Variants in TRDN observed in about 807,000 individuals in gnomAD.
TRDN encodes the protein triadin in skeletal muscle.
A neutral mutation model predicts 149.7 loss-of-function variants in TRDN; 161 were observed. That is an observed-to-expected ratio of 1.08 (90% confidence interval 0.95 to 1.23). The LOEUF (loss-of-function observed/expected upper bound fraction) is 1.23. TRDN is among the 50% of genes most tolerant of loss of function. The pLI is 0.00. For missense variants in TRDN, 896 were observed against 823.5 expected, an observed-to-expected ratio of 1.09 and a Z score of -1.08; for synonymous variants, 294 against 250.5, an observed-to-expected ratio of 1.17 and a Z score of -1.64.
At chr6:123,359,998 A>G (rs1183627623) in intron 20 of TRDN, among the ~76,000 whole-genome samples, 1 of 152,048 alleles carries the variant, frequency 6.6e-6, no homozygotes, top group Admixed American at 6.6e-5. Context: ...CCTGGCCGTG[A>G]AGGGGAATTT....
At chr6:123,586,589 G>A (rs939741514) in intron 1 of TRDN, among the ~76,000 whole-genome samples, 14 of 152,260 alleles carry the variant, frequency 9.2e-5, no homozygotes, top group Middle Eastern at 3.4e-3. Context: ...TGAAAGTGCC[G>A]TTTTCTGGCT....
intron 12 of TRDN, among the ~76,000 whole-genome samples, chr6:123,414,895 A>C (rs1467826850): frequency 6.6e-6 from 1 of 152,146 alleles, no homozygotes; most frequent in Non-Finnish European, 1.5e-5. Flanking sequence ...ACTTACATCT[A>C]TATACAGAAA....
intron 20 of TRDN, among the ~76,000 whole-genome samples, chr6:123,365,837 T>C (rs1562279908): frequency 6.6e-6 from 1 of 152,208 alleles, no homozygotes; most frequent in Admixed American, 6.5e-5. Context: ...TGCACTAGAA[T>C]GCTCTCCAGA....
chr6:123,254,408 C>T (rs1039998443), intron 37 of TRDN, among the ~76,000 whole-genome samples: 1 of 151,912 alleles, frequency 6.6e-6, no homozygotes, highest in Non-Finnish European at 1.5e-5. Flanking sequence ...CTTTTTCTCT[C>T]CCTACTAGAG....
At chr6:123,387,639 TCA>T in intron 14 of TRDN, among the ~76,000 whole-genome samples, 1 of 152,252 alleles carries the variant, frequency 6.6e-6, no homozygotes, top group Non-Finnish European at 1.5e-5. Flanking sequence ...TGAAAAGATC[TCA>T]GAGACCCACA....
intron 38 of TRDN, among the ~76,000 whole-genome samples, chr6:123,242,666 C>G (rs1776033839): frequency 6.6e-6 from 1 of 151,926 alleles, no homozygotes; most frequent in Admixed American, 6.6e-5. Context: ...ATAGGAAGCA[C>G]CAAAAGCAAA....
chr6:123,408,524 A>T (rs1773288187), intron 12 of TRDN, among the ~76,000 whole-genome samples: 1 of 151,950 alleles, frequency 6.6e-6, no homozygotes, highest in Non-Finnish European at 1.5e-5. Flanking sequence ...CTAAAAATAC[A>T]AAAATTAGCT....
At chr6:123,444,487 C>T (rs1250552752) in intron 10 of TRDN, among the ~76,000 whole-genome samples, 2 of 150,712 alleles carry the variant, frequency 1.3e-5, no homozygotes, top group Non-Finnish European at 1.5e-5. Flanking sequence ...TTGACTTCCT[C>T]TTTTCCTAAT....
intron 9 of TRDN, among the ~76,000 whole-genome samples, chr6:123,493,571 G>A (rs1001045234): frequency 6.6e-6 from 1 of 152,100 alleles, no homozygotes; most frequent in Non-Finnish European, 1.5e-5. Flanking sequence ...GGGTGTGACA[G>A]TACAAAGGAA....
chr6:123,290,237 T>A (rs536149230), intron 24 of TRDN, among the ~76,000 whole-genome samples: 1 of 152,202 alleles, frequency 6.6e-6, no homozygotes, highest in East Asian at 1.9e-4. Flanking sequence ...GCAAACAAAA[T>A]TTAGTCAGGC....
At chr6:123,248,844 G>A (rs547356940) in intron 38 of TRDN, among the ~76,000 whole-genome samples, 6 of 151,998 alleles carry the variant, frequency 3.9e-5, no homozygotes, top group African/African-American at 1.2e-4. Flanking sequence ...TTAATGAGGT[G>A]AGAACCCTCC....
At chr6:123,282,842 G>A (rs1459066710) in intron 24 of TRDN, among the ~76,000 whole-genome samples, 1 of 151,844 alleles carries the variant, frequency 6.6e-6, no homozygotes, top group Non-Finnish European at 1.5e-5. Context: ...AAATTTGTAA[G>A]TGTAATATTA....
At chr6:123,423,237 A>T (rs1302869206) in intron 12 of TRDN, among the ~76,000 whole-genome samples, 1 of 152,176 alleles carries the variant, frequency 6.6e-6, no homozygotes, top group Non-Finnish European at 1.5e-5. Context: ...TTTTATTCAT[A>T]AGATAAAACC....
intron 2 of TRDN, among the ~76,000 whole-genome samples, chr6:123,566,104 A>G (rs866904692): frequency 3.6e-4 from 55 of 152,374 alleles, no homozygotes; most frequent in African/African-American, 1.3e-3. Context: ...ACATTGACAG[A>G]TAGGCATAGT....
At chr6:123,501,816 A>G (rs1778711711) in intron 8 of TRDN, 1 of 866,156 alleles carries the variant, frequency 1.2e-6, no homozygotes, top group African/African-American at 1.8e-5. Context: ...AAAATAGTAG[A>G]CTGAAAAGGG....
At chr6:123,521,831 C>T (rs968560229) in intron 5 of TRDN, among the ~76,000 whole-genome samples, 4 of 152,068 alleles carry the variant, frequency 2.6e-5, no homozygotes, top group African/African-American at 9.7e-5. Flanking sequence ...GTTGCCAAAC[C>T]CCAAACTACA....
intron 10 of TRDN, among the ~76,000 whole-genome samples, chr6:123,447,662 T>C (rs1027605300): frequency 6.6e-6 from 1 of 151,998 alleles, no homozygotes; most frequent in African/African-American, 2.4e-5. Context: ...TAAAGGACTC[T>C]AGGTCTTATC....
intron 38 of TRDN, among the ~76,000 whole-genome samples, chr6:123,239,693 C>T (rs1379746287): frequency 6.6e-6 from 1 of 151,962 alleles, no homozygotes; most frequent in African/African-American, 2.4e-5. Context: ...ATATGCTTAA[C>T]ATTGAATTGT....
chr6:123,513,086 G>A (rs1384443805), intron 6 of TRDN, among the ~76,000 whole-genome samples: 1 of 152,120 alleles, frequency 6.6e-6, no homozygotes, highest in Non-Finnish European at 1.5e-5. Flanking sequence ...CAGTTGAAGA[G>A]CAAGTGTCCC....
Sources: gnomAD v4.1 joint callset for allele counts (sites outside exome capture counted in the v4.1 genomes callset) on GRCh38, gnomAD v4.1.1 for gene constraint, MANE v1.5 for transcripts, NCBI Gene and HGNC (gene_info 2026-07-23, HGNC 2026-07-21) for gene names.